Variants in ERC1 observed in about 807,000 individuals in gnomAD.
ERC1 encodes RAB6 interacting protein 2.
Under a neutral mutation model 132.0 loss-of-function variants are expected in ERC1, and 56 were observed. The ratio of observed to expected loss-of-function variants is 0.42; its 90% CI spans 0.34 to 0.53. The LOEUF (loss-of-function observed/expected upper bound fraction) is 0.53, where lower values mean the gene tolerates loss of function less well. ERC1 is among the 20% of genes least tolerant of loss of function. The probability of loss-of-function intolerance (pLI) is 0.03; values close to 1 mark genes in which losing one functional copy is unlikely to be tolerated. For missense variants in ERC1, 1,202 were observed against 1,349.9 expected (o/e 0.89, Z 1.72); for synonymous variants, 478 against 476.1 (o/e 1.00, Z -0.05).
At chr12:1,233,025 T>C (rs2075158992) in intron 12 of ERC1, among the ~76,000 whole-genome samples, 1 of 152,168 alleles carries the variant, frequency 6.6e-6, no homozygotes, top group Non-Finnish European at 1.5e-5. Flanking sequence ...AAAATGTAAT[T>C]TTAAAAAGTT....
chr12:1,480,991 A>G, intron 18 of ERC1: 1 of 684,536 alleles, frequency 1.5e-6, no homozygotes, highest in Non-Finnish European at 2.7e-6. Flanking sequence ...GATGGTACTG[A>G]AGCCTATAGA....
At chr12:1,098,007 G>A (rs1238362530) in intron 3 of ERC1, among the ~76,000 whole-genome samples, 1 of 152,168 alleles carries the variant, frequency 6.6e-6, no homozygotes, top group Non-Finnish European at 1.5e-5. Context: ...GAGCCATGGT[G>A]CCCGGACCTC....
chr12:1,320,724 C>T (rs547454767), intron 15 of ERC1, among the ~76,000 whole-genome samples: 122 of 152,098 alleles, frequency 8.0e-4, no homozygotes, highest in Admixed American at 5.3e-3. Context: ...TTTTTTGAGA[C>T]GGAATCTCAC....
chr12:1,171,502 G>T (rs1277061657), intron 8 of ERC1, among the ~76,000 whole-genome samples: 3 of 151,574 alleles, frequency 2.0e-5, no homozygotes. Context: ...AATTACTATA[G>T]ATCCCTCTTT....
chr12:1,226,609 C>T (rs1192835514), intron 12 of ERC1, among the ~76,000 whole-genome samples: 5 of 152,298 alleles, frequency 3.3e-5, no homozygotes, highest in South Asian at 2.1e-4. Context: ...TAGAAACCAC[C>T]GTTCTACTTT....
intron 18 of ERC1, among the ~76,000 whole-genome samples, chr12:1,462,574 C>A (rs1243255604): frequency 6.6e-6 from 1 of 152,080 alleles, no homozygotes; most frequent in African/African-American, 2.4e-5. Context: ...CAGACACACA[C>A]AAAAAATTAT....
At chr12:1,074,051 GACGGCTTTC>G (rs1449220598) in intron 2 of ERC1, among the ~76,000 whole-genome samples, 1 of 2,856 alleles carries the variant, frequency 3.5e-4, no homozygotes, top group African/African-American at 3.8e-4. Flanking sequence ...TTTTAGTAGA[GACGGCTTTC>G]ACCATGATGG....
Position 1,132,577 on chromosome 12 carries a change from T to C in ERC1, c.1570-9043T>C, listed in dbSNP as rs538106425. ...ATAAAGTGCAGCTTGGGCATCTGGG[T>C]GCCTTTCATAAAGAGGCAGCAATGT... On this transcript the variant is annotated intron_variant, in intron 7 of 18. Transcript: ENST00000360905. Among the ~76,000 whole-genome samples, 4 of 152,296 alleles carry C rather than the reference T, an allele frequency of 2.6e-5. No homozygotes were observed. In the South Asian group the frequency reaches 8.3e-4, roughly 32 times the overall value.
intron 8 of ERC1, among the ~76,000 whole-genome samples, chr12:1,160,132 A>G (rs1266934935): frequency 6.6e-6 from 1 of 152,190 alleles, no homozygotes; most frequent in African/African-American, 2.4e-5. Context: ...TTAGACTAAC[A>G]AATTGTTTAG....
intron 15 of ERC1, among the ~76,000 whole-genome samples, chr12:1,316,504 A>T (rs1472920009): frequency 6.6e-6 from 1 of 152,126 alleles, no homozygotes; most frequent in Non-Finnish European, 1.5e-5. Flanking sequence ...TGACATACTC[A>T]TATGAAAAAA....
At chr12:1,385,384 G>A (rs935221138) in intron 16 of ERC1, among the ~76,000 whole-genome samples, 12 of 151,972 alleles carry the variant, frequency 7.9e-5, no homozygotes, top group African/African-American at 2.7e-4. Context: ...CCGGGTTCAC[G>A]CCATTCTCCT....
chr12:1,139,026 T>C (rs1331240718), intron 7 of ERC1, among the ~76,000 whole-genome samples: 1 of 152,196 alleles, frequency 6.6e-6, no homozygotes, highest in Non-Finnish European at 1.5e-5. Context: ...GAAAATACGA[T>C]ACCTGAGAAC....
At chr12:1,346,079 A>G (rs2084424636) in intron 15 of ERC1, among the ~76,000 whole-genome samples, 1 of 152,150 alleles carries the variant, frequency 6.6e-6, no homozygotes, top group African/African-American at 2.4e-5. Flanking sequence ...GCTTTTCTAT[A>G]ACCTGGGAAA....
At chr12:1,195,675 G>T (rs903292510) in intron 12 of ERC1, among the ~76,000 whole-genome samples, 1 of 152,124 alleles carries the variant, frequency 6.6e-6, no homozygotes, top group Admixed American at 6.5e-5. Flanking sequence ...CTAAGATGAA[G>T]CCAGCGTCCA....
chr12:993,773 A>G lies in ERC1; in HGVS notation c.-157+2451A>G, dbSNP rs566309779. ...AAGAATTAGCTGGGCGTGGTGGCAC[A>G]TGCCTGTAATCCCAGCTACTCAGGA... On this transcript the variant is annotated intron_variant, in intron 1 of 18. Coordinates refer to ENST00000360905, the MANE Select transcript of ERC1 (RefSeq NM_178040.4). Among the ~76,000 whole-genome samples the G allele has an allele frequency of 3.2e-3, 484 of 152,282 alleles. 3 individuals carry two copies. Among genetic ancestry groups the G allele is most frequent in the South Asian group, 0.015 (72 of 4,824 alleles).
chr12:1,382,692 G>T (rs769404051), intron 16 of ERC1, among the ~76,000 whole-genome samples: 3 of 152,128 alleles, frequency 2.0e-5, no homozygotes, highest in Non-Finnish European at 4.4e-5. Context: ...ATATTTACCT[G>T]TAGCTGTATC....
chr12:1,335,058 A>G (rs888944455), intron 15 of ERC1, among the ~76,000 whole-genome samples: 1 of 152,094 alleles, frequency 6.6e-6, no homozygotes, highest in Admixed American at 6.5e-5. Context: ...AATGCTAGTG[A>G]TATCTGTATA....
At chr12:1,005,647 A>G (rs908923492) in intron 1 of ERC1, among the ~76,000 whole-genome samples, 2 of 152,128 alleles carry the variant, frequency 1.3e-5, no homozygotes, top group Non-Finnish European at 2.9e-5. Flanking sequence ...GTGATTGTTT[A>G]TTCTTATGCT....
At chr12:1,261,855 T>C (rs1362767977) in intron 13 of ERC1, among the ~76,000 whole-genome samples, 1 of 152,182 alleles carries the variant, frequency 6.6e-6, no homozygotes, top group Non-Finnish European at 1.5e-5. Context: ...TAAATCTCAT[T>C]TTTTAAAATT....
Sources: allele counts gnomAD v4.1 joint callset (sites outside exome capture counted in the v4.1 genomes callset), GRCh38; gene constraint gnomAD v4.1.1; transcripts MANE v1.5; gene names NCBI Gene and HGNC (gene_info 2026-07-23, HGNC 2026-07-21).